ARHGAP32: variants seen among roughly 807,000 people sequenced by gnomAD.
ARHGAP32 encodes Rho GTPase activating protein 32, also known as rho GTPase-activating protein 32.
ARHGAP32 carries 51 observed loss-of-function variants against 186.5 expected under a neutral mutation model. The ratio of observed to expected loss-of-function variants is 0.27; its 90% confidence interval spans 0.22 to 0.35. The LOEUF (loss-of-function observed/expected upper bound fraction) is 0.35, where lower values mean the gene tolerates loss of function less well. ARHGAP32 is among the 10% of genes least tolerant of loss of function. The pLI is 1.00. For synonymous variants in ARHGAP32, 950 were observed against 964.3 expected (o/e 0.99, Z 0.27); for missense variants, 2,186 against 2,623.5 (o/e 0.83, Z 3.64).
chr11:129,044,920 C>T (rs896935861), intron 10 of ARHGAP32, among the ~76,000 whole-genome samples: 2 of 151,924 alleles, frequency 1.3e-5, no homozygotes, highest in African/African-American at 4.8e-5. Context: ...TCACTTCCCA[C>T]AAAGACTGAA....
chr11:129,235,403 T>C (rs986930694), intron 1 of ARHGAP32, among the ~76,000 whole-genome samples: 2 of 152,222 alleles, frequency 1.3e-5, no homozygotes, highest in African/African-American at 4.8e-5. Flanking sequence ...CCTTAGGTAC[T>C]ATATGTATAA....
At chr11:128,983,524 T>C (rs1450112611) in intron 15 of ARHGAP32, among the ~76,000 whole-genome samples, 1 of 150,274 alleles carries the variant, frequency 6.7e-6, no homozygotes, top group African/African-American at 2.4e-5. Context: ...GGGATAGCAT[T>C]AGGAGATATA....
intron 1 of ARHGAP32, among the ~76,000 whole-genome samples, chr11:129,259,093 A>C (rs1945290632): frequency 6.6e-6 from 1 of 152,220 alleles, no homozygotes; most frequent in South Asian, 2.1e-4. Flanking sequence ...GATGGGAAAA[A>C]GGAACCACTT....
intron 2 of ARHGAP32, among the ~76,000 whole-genome samples, chr11:129,142,214 G>A (rs895734905): frequency 3.3e-5 from 5 of 152,000 alleles, no homozygotes; most frequent in African/African-American, 9.7e-5. Context: ...CCCTCTTTCC[G>A]CCCTCCTGTC....
At chr11:129,245,072 C>G (rs1218805442) in intron 1 of ARHGAP32, among the ~76,000 whole-genome samples, 3 of 151,500 alleles carry the variant, frequency 2.0e-5, no homozygotes, top group African/African-American at 7.3e-5. Flanking sequence ...CTGGAAATAC[C>G]ATTTGACCCA....
chr11:129,048,543 A>C (rs1200108827), intron 10 of ARHGAP32, among the ~76,000 whole-genome samples: 4 of 152,132 alleles, frequency 2.6e-5, no homozygotes. Context: ...CAAAGGGTGA[A>C]GGGTTTAAGA....
At chr11:129,204,413 G>C (rs970098736) in intron 1 of ARHGAP32, among the ~76,000 whole-genome samples, 1 of 152,060 alleles carries the variant, frequency 6.6e-6, no homozygotes, top group Non-Finnish European at 1.5e-5. Context: ...TAGGGGTAAG[G>C]CTATGCAAAA....
At chr11:129,021,123 T>C (rs1444372719) in intron 11 of ARHGAP32, among the ~76,000 whole-genome samples, 4 of 152,186 alleles carry the variant, frequency 2.6e-5, no homozygotes, top group East Asian at 3.9e-4. Flanking sequence ...CTAACAGTTA[T>C]ATAATTCAAA....
chr11:129,180,596 A>G (rs1293892259), intron 1 of ARHGAP32, among the ~76,000 whole-genome samples: 3 of 152,182 alleles, frequency 2.0e-5, no homozygotes, highest in African/African-American at 7.2e-5. Flanking sequence ...AACCAACTCA[A>G]TAAGAAATTT....
intron 1 of ARHGAP32, among the ~76,000 whole-genome samples, chr11:129,221,108 TA>T (rs1303596701): frequency 6.6e-6 from 1 of 151,722 alleles, no homozygotes; most frequent in African/African-American, 2.4e-5. Context: ...ATGAAAGAAA[TA>T]ATGTCTGGAA....
At chr11:129,012,163 C>T (rs1378979312) in intron 11 of ARHGAP32, among the ~76,000 whole-genome samples, 1 of 152,000 alleles carries the variant, frequency 6.6e-6, no homozygotes, top group Non-Finnish European at 1.5e-5. Context: ...TTCTAAGGAC[C>T]AAAAAACTCC....
intron 2 of ARHGAP32, among the ~76,000 whole-genome samples, chr11:129,133,130 A>T (rs1042883690): frequency 3.9e-5 from 6 of 152,198 alleles, no homozygotes; most frequent in Non-Finnish European, 7.3e-5. Context: ...TGGAAGAGTA[A>T]GCAGGGGGAA....
At chr11:129,170,153 C>T (rs1943727673) in intron 1 of ARHGAP32, among the ~76,000 whole-genome samples, 1 of 150,288 alleles carries the variant, frequency 6.7e-6, no homozygotes, top group Non-Finnish European at 1.5e-5. Flanking sequence ...TATAATTGAT[C>T]ACACTACACT....
intron 20 of ARHGAP32, among the ~76,000 whole-genome samples, 161 bp from the exon 21 acceptor site, chr11:128,975,163 C>T (rs550224212): frequency 7.6e-4 from 115 of 152,292 alleles, no homozygotes; most frequent in African/African-American, 2.6e-3. Flanking sequence ...AGATCATTTA[C>T]ACTTGAGATA....
At chr11:129,248,582 T>C (rs1182535957) in intron 1 of ARHGAP32, among the ~76,000 whole-genome samples, 4 of 152,190 alleles carry the variant, frequency 2.6e-5, no homozygotes, top group Non-Finnish European at 5.9e-5. Flanking sequence ...AACCTTTTGA[T>C]TATTCTTTTG....
At chr11:129,038,888 G>GAAAAAAAAAAAAAAA (rs56810685) in intron 11 of ARHGAP32, among the ~76,000 whole-genome samples, 2 of 92,190 alleles carry the variant, frequency 2.2e-5, no homozygotes, top group Admixed American at 1.4e-4. Context: ...ACCCTGTCTC[G>GAAAAAAAAAAAAAAA]AAAAAAAAAA....
chr11:129,279,085 C>G (rs957688704), intron 1 of ARHGAP32: 1 of 145,766 alleles, frequency 6.9e-6, no homozygotes, highest in African/African-American at 2.5e-5. Context: ...CCCCCGCAGC[C>G]TTCCCCGCGG....
intron 2 of ARHGAP32, among the ~76,000 whole-genome samples, chr11:129,128,859 G>A (rs1655746495): frequency 6.6e-6 from 1 of 152,194 alleles, no homozygotes; most frequent in South Asian, 2.1e-4. Context: ...TGCCGGGATT[G>A]CAGACGGAGT....
intron 2 of ARHGAP32, among the ~76,000 whole-genome samples, chr11:129,160,236 T>C (rs1487630229): frequency 6.6e-6 from 1 of 152,178 alleles, no homozygotes; most frequent in African/African-American, 2.4e-5. Context: ...AACATAGTAC[T>C]AGATGTTCTG....
Sources: allele counts gnomAD v4.1 joint callset (sites outside exome capture counted in the v4.1 genomes callset), GRCh38; gene constraint gnomAD v4.1.1; transcripts MANE v1.5; gene names NCBI Gene and HGNC (gene_info 2026-07-23, HGNC 2026-07-21).